The following TSHZ2 variants were observed in gnomAD, a reference collection of about 807,000 sequenced individuals.
The protein encoded by TSHZ2 is teashirt homolog 2.
TSHZ2 carries 21 observed loss-of-function variants against 74.4 expected under a neutral mutation model. The observed-to-expected ratio is 0.28, with a 90% CI of 0.20 to 0.41. The LOEUF (loss-of-function observed/expected upper bound fraction) is 0.41. TSHZ2 is among the 10% of genes least tolerant of loss of function. The probability of loss-of-function intolerance (pLI) is 1.00; values close to 1 mark genes in which losing one functional copy is unlikely to be tolerated. For synonymous variants in TSHZ2, 540 were observed against 515.3 expected (o/e 1.05, Z -0.65); for missense variants, 1,244 against 1,293.5 (o/e 0.96, Z 0.59).
intron 1 of TSHZ2, among the ~76,000 whole-genome samples, chr20:53,186,918 A>T (rs1384631990): frequency 3.3e-5 from 5 of 151,830 alleles, no homozygotes; most frequent in Admixed American, 2.0e-4. Context: ...ATATATATAT[A>T]TTTTGGGGCC....
intron 1 of TSHZ2, chr20:53,179,417 C>T (rs1167355354): frequency 6.6e-6 from 1 of 152,184 alleles, no homozygotes; most frequent in Admixed American, 6.5e-5. Flanking sequence ...GTAATTTTCA[C>T]CTTACAGAAA....
chr20:53,062,939 T>C (rs1027216191), intron 1 of TSHZ2, among the ~76,000 whole-genome samples: 2 of 152,030 alleles, frequency 1.3e-5, no homozygotes, highest in African/African-American at 4.8e-5. Context: ...TTAGAAGCCA[T>C]GGCAGGGTTA....
intron 1 of TSHZ2, among the ~76,000 whole-genome samples, chr20:53,112,658 G>A (rs1286737782): frequency 2.0e-5 from 3 of 152,038 alleles, no homozygotes; most frequent in African/African-American, 4.8e-5. Flanking sequence ...GGCTACAGGT[G>A]TGCACCACCA....
At chr20:53,463,386 GGA>G (rs1985444995) in intron 2 of TSHZ2, among the ~76,000 whole-genome samples, 1 of 68,818 alleles carries the variant, frequency 1.5e-5, no homozygotes, top group African/African-American at 7.0e-5. Flanking sequence ...GAGAGAGGAA[GGA>G]AGGAAGGAAG....
chr20:53,255,315 C>A lies in TSHZ2; in HGVS notation c.1857C>A (p.Pro619=). 6.2e-7 allele frequency: 1 copy of A among 1,614,032 alleles called. No homozygotes were observed. ...EAVKECGKES[P]HEEASSFSHS... is the part of the protein sequence containing the mutation. ...TGAAGGAGTGTGGGAAAGAAAGTCC[C>A]CACGAAGAGGCCTCATCTTTCAGCC... Residue 619 remains proline (P), a synonymous_variant, in exon 2 of 3, where the codon CCC becomes CCA. Coordinates refer to ENST00000371497, the MANE Select transcript of TSHZ2 (RefSeq NM_173485.6). This position sits in a 1 kb window ranked among gnomAD's most constrained non-coding sequence, Gnocchi z 4.1.
At chr20:53,441,221 G>A (rs56105216) in intron 2 of TSHZ2, among the ~76,000 whole-genome samples, 4,803 of 125,684 alleles carry the variant, frequency 0.038, 103 homozygotes, top group Admixed American at 0.054. Flanking sequence ...TTATTTATTT[G>A]TTTATTTTAT....
At chr20:53,141,643 G>A (rs1171527631) in intron 1 of TSHZ2, among the ~76,000 whole-genome samples, 2 of 152,210 alleles carry the variant, frequency 1.3e-5, no homozygotes, top group Non-Finnish European at 2.9e-5. Context: ...ATGGCCAAGG[G>A]GCACAGGGCC....
intron 2 of TSHZ2, among the ~76,000 whole-genome samples, chr20:53,307,889 T>G (rs1179890661): frequency 6.6e-6 from 1 of 152,130 alleles, no homozygotes; most frequent in East Asian, 1.9e-4. Flanking sequence ...TCAATCAGAT[T>G]GGAACGCTAC....
chr20:53,449,556 C>T (rs1984690019), intron 2 of TSHZ2, among the ~76,000 whole-genome samples: 1 of 152,174 alleles, frequency 6.6e-6, no homozygotes, highest in Non-Finnish European at 1.5e-5. Context: ...AAGTAATATA[C>T]TACCACATCT....
chr20:53,285,984 GT>G (rs139283356), intron 2 of TSHZ2, among the ~76,000 whole-genome samples: 1 of 151,344 alleles, frequency 6.6e-6, no homozygotes, highest in African/African-American at 2.4e-5. Flanking sequence ...GAAAACAGAG[GT>G]TTTTTTTTAA....
chr20:53,263,886 G>C (rs893218785), intron 2 of TSHZ2, among the ~76,000 whole-genome samples: 1 of 152,186 alleles, frequency 6.6e-6, no homozygotes, highest in African/African-American at 2.4e-5. Flanking sequence ...CTCAGAGGAG[G>C]GGGGCAGGCT....
chr20:53,395,826 T>A (rs1982424146), intron 2 of TSHZ2, among the ~76,000 whole-genome samples: 1 of 152,228 alleles, frequency 6.6e-6, no homozygotes, highest in East Asian at 1.9e-4. Context: ...CTGGTCAACC[T>A]ATGGAATGTT....
At chr20:53,183,318 G>C (rs1032562075) in intron 1 of TSHZ2, among the ~76,000 whole-genome samples, 1 of 152,128 alleles carries the variant, frequency 6.6e-6, no homozygotes, top group African/African-American at 2.4e-5. Context: ...AAAGCACAAG[G>C]GTGTGGAGTC....
chr20:53,475,181 C>T (rs1335913684), intron 2 of TSHZ2, among the ~76,000 whole-genome samples: 1 of 140,034 alleles, frequency 7.1e-6, no homozygotes, highest in Non-Finnish European at 1.5e-5. Flanking sequence ...ACATAACTCT[C>T]CACCCCAAAT....
chr20:53,152,237 A>AGATCC (rs1987692403), intron 1 of TSHZ2, among the ~76,000 whole-genome samples: 1 of 152,180 alleles, frequency 6.6e-6, no homozygotes, highest in Admixed American at 6.5e-5. Flanking sequence ...TAAGGAGCTT[A>AGATCC]GATCCAATCC....
At chr20:53,486,585 T>G (rs1353748069) in intron 2 of TSHZ2, among the ~76,000 whole-genome samples, 2 of 151,946 alleles carry the variant, frequency 1.3e-5, no homozygotes, top group Non-Finnish European at 2.9e-5. Flanking sequence ...GAGGCTGAGG[T>G]GGGAGGATCA....
chr20:52,981,090 AT>A (rs1981550706), intron 1 of TSHZ2, among the ~76,000 whole-genome samples: 1 of 152,174 alleles, frequency 6.6e-6, no homozygotes, highest in African/African-American at 2.4e-5. Flanking sequence ...GCCTTTGGCT[AT>A]TTTCCTTTAT....
chr20:53,336,324 T>C (rs1249040240), intron 2 of TSHZ2, among the ~76,000 whole-genome samples: 3 of 152,156 alleles, frequency 2.0e-5, no homozygotes, highest in Non-Finnish European at 4.4e-5. Context: ...AAATCACACA[T>C]GCAAATCGGA....
At chr20:53,082,276 G>A (rs1985561438) in intron 1 of TSHZ2, among the ~76,000 whole-genome samples, 1 of 152,172 alleles carries the variant, frequency 6.6e-6, no homozygotes, top group African/African-American at 2.4e-5. Flanking sequence ...CTGCTCACAT[G>A]TTAATAAATT....
Sources: allele counts gnomAD v4.1 joint callset (sites outside exome capture counted in the v4.1 genomes callset), GRCh38; gene constraint gnomAD v4.1.1; non-coding constraint Gnocchi (gnomAD v3.1); transcripts MANE v1.5; gene names NCBI Gene and HGNC (gene_info 2026-07-23, HGNC 2026-07-21).